The following TEAD3 variants were observed in gnomAD, a reference collection of about 807,000 sequenced individuals.
TEAD3 encodes transcriptional enhancer factor TEF-5.
Under a neutral mutation model 55.6 loss-of-function variants are expected in TEAD3, and 15 were observed. The observed-to-expected ratio is 0.27, with a 90% CI of 0.18 to 0.42. TEAD3 has a LOEUF of 0.42. Among genes scored for constraint, TEAD3 ranks in the 10% least tolerant of loss-of-function variants. The pLI, the probability that TEAD3 is intolerant of heterozygous loss-of-function variation, is 1.00. For missense variants in TEAD3, 407 were observed against 576.8 expected (o/e 0.71, Z 3.01); for synonymous variants, 210 against 232.2 (o/e 0.90, Z 0.87).
chr6:35,473,955 G>C (rs1022377536), downstream of TEAD3: 1 of 152,494 alleles, frequency 6.6e-6, no homozygotes, highest in African/African-American at 2.4e-5. Flanking sequence ...GGGACAGCAG[G>C]TGAAGGGTTA....
At chr6:35,477,924 T>C (rs1208659162) in intron 7 of TEAD3, among the ~76,000 whole-genome samples, 1 of 151,796 alleles carries the variant, frequency 6.6e-6, no homozygotes, top group Non-Finnish European at 1.5e-5. Context: ...CACTACAGCC[T>C]GGAACTCTGG....
chr6:35,483,409 C>A lies in TEAD3; in HGVS notation c.267+1151G>T, dbSNP rs1768301267. 6.6e-6 allele frequency among the ~76,000 whole-genome samples: 1 copy of A among 152,154 alleles called. No individual in the cohort carries two copies. The highest frequency in any genetic ancestry group is 1.5e-5 in the Non-Finnish European group (1 of 68,014). Reference sequence around the variant, plus strand: ...AGGTCCCGCCTCCAGCCTGGCCTCTCCCCCAGGCAGTGGGGCCATCACTCC... The same window carrying A: ...AGGTCCCGCCTCCAGCCTGGCCTCTACCCCAGGCAGTGGGGCCATCACTCC... On this transcript the variant is annotated intron_variant, in intron 3 of 12. Coordinates refer to ENST00000639578, the Ensembl canonical transcript of TEAD3. This position sits in a 1 kb window ranked among gnomAD's most constrained non-coding sequence, Gnocchi z 4.5.
Position 35,475,291 on chromosome 6 carries a change from G to C in TEAD3, c.1194+45C>G, listed in dbSNP as rs75131269. 1 of 1,607,948 alleles carries C rather than the reference G, an allele frequency of 6.2e-7. No homozygotes were observed. The highest frequency in any genetic ancestry group is 8.5e-7 in the Non-Finnish European group (1 of 1,176,148). ...GATGTGTCTGGCTACCCAACTTGGAGGCCCTGGCCTGTGGGACTCCCCACG... is the reference window on the plus strand; with the variant it reads ...GATGTGTCTGGCTACCCAACTTGGACGCCCTGGCCTGTGGGACTCCCCACG... On this transcript the variant is annotated intron_variant, in intron 12 of 12. Transcript: ENST00000639578. The surrounding 1 kb of genome is among the most constrained non-coding windows in gnomAD (Gnocchi z 5.4).
chr6:35,474,807 A>G (rs896404734), downstream of TEAD3: 3 of 496,288 alleles, frequency 6.0e-6, no homozygotes, highest in African/African-American at 5.9e-5. Context: ...ATGGTGGGTC[A>G]GCGCCCCGGA....
At chr6:35,476,267 G>C (rs756135714) in intron 9 of TEAD3, 35 bp downstream of exon 9, 2 of 1,602,902 alleles carry the variant, frequency 1.2e-6, no homozygotes, top group East Asian at 2.2e-5. Context: ...CTCCACAATT[G>C]TGCAAAGCCT....
intron 1 of TEAD3, among the ~76,000 whole-genome samples, chr6:35,490,290 T>G (rs1768482185): frequency 1.3e-5 from 2 of 151,610 alleles, no homozygotes; most frequent in South Asian, 2.1e-4. Context: ...TGGGACAGAC[T>G]GGGGGGGCGG....
chr6:35,487,070 G>T (rs1561806695), intron 1 of TEAD3, among the ~76,000 whole-genome samples: 1 of 152,208 alleles, frequency 6.6e-6, no homozygotes, highest in Non-Finnish European at 1.5e-5. Context: ...TAACAACAAT[G>T]CCTCATACCA....
chr6:35,473,797 G>C (rs948050169), downstream of TEAD3: 1 of 152,330 alleles, frequency 6.6e-6, no homozygotes, highest in Non-Finnish European at 1.5e-5. Context: ...TGGCCTGAGC[G>C]ATATGCAAAC....
intron 1 of TEAD3, among the ~76,000 whole-genome samples, chr6:35,494,196 C>T (rs901365703): frequency 2.6e-5 from 4 of 152,222 alleles, no homozygotes; most frequent in Non-Finnish European, 5.9e-5. Flanking sequence ...ACACATCCAG[C>T]GTCACACACA....
intron 1 of TEAD3, among the ~76,000 whole-genome samples, chr6:35,492,870 C>T (rs1351084669): frequency 6.6e-6 from 1 of 152,152 alleles, no homozygotes; most frequent in Admixed American, 6.5e-5. Context: ...CCTTCACCCC[C>T]TCCCTGGGAC....
rs924813615 is a variant in TEAD3, at chr6:35,496,941, G to C, written c.-93C>G. Reference sequence around the variant, plus strand: ...GGCGCTCCGGCCGGGCCGCTCCGCCGGGCCCGAGGGAGCCGCAAGGGGGGC... The same window carrying C: ...GGCGCTCCGGCCGGGCCGCTCCGCCCGGCCCGAGGGAGCCGCAAGGGGGGC... On this transcript the variant is annotated 5_prime_UTR_variant, in exon 1 of 13. Transcript: ENST00000639578. The surrounding 1 kb of genome is among the most constrained non-coding windows in gnomAD (Gnocchi z 4.8). 6.6e-6 allele frequency: 1 copy of C among 151,466 alleles called. No individual in the cohort carries two copies. Among genetic ancestry groups the C allele is most frequent in the African/African-American group, 2.4e-5 (1 of 41,250 alleles). The allele number at this position is 151,466 out of a possible 1,614,324, so 9.4% of individuals were successfully genotyped here.
In TEAD3 at chr6:35,475,809, C is replaced by T; in HGVS notation, c.901-103G>A. 1 of 1,506,932 alleles carries T rather than the reference C, an allele frequency of 6.6e-7. No homozygotes were observed. Among genetic ancestry groups the T allele is most frequent in the East Asian group, 2.3e-5 (1 of 43,866 alleles). 93.3% of individuals were successfully genotyped at this position (1,506,932 alleles called of 1,614,324 possible). On this transcript the variant is annotated intron_variant, in intron 10 of 12. Coordinates refer to ENST00000639578, the Ensembl canonical transcript of TEAD3. The surrounding 1 kb of genome is among the most constrained non-coding windows in gnomAD (Gnocchi z 5.4). Reference sequence around the variant, plus strand: ...CAAGGATCCATCTCTGGCACTCTGCCCACAAGCCATGAGGATGCAGCAGGG... The same window carrying T: ...CAAGGATCCATCTCTGGCACTCTGCTCACAAGCCATGAGGATGCAGCAGGG...
chr6:35,481,960 C>T (rs537985952), intron 3 of TEAD3, among the ~76,000 whole-genome samples: 5 of 152,346 alleles, frequency 3.3e-5, no homozygotes, highest in Admixed American at 1.3e-4. Flanking sequence ...CTGTAAAAAC[C>T]TAAAACTGCA....
chr6:35,494,405 G>A (rs1768596086), intron 1 of TEAD3, among the ~76,000 whole-genome samples: 1 of 152,188 alleles, frequency 6.6e-6, no homozygotes, highest in African/African-American at 2.4e-5. Flanking sequence ...GGTTCTCCCT[G>A]GAGGGAAGTG....
intron 1 of TEAD3, among the ~76,000 whole-genome samples, chr6:35,490,869 C>T (rs534728527): frequency 2.0e-5 from 3 of 152,230 alleles, no homozygotes; most frequent in East Asian, 1.9e-4. Context: ...TGACTGCGGG[C>T]GAGAGGGCAA....
At chr6:35,477,146 T>G (rs1447669686) in intron 8 of TEAD3, among the ~76,000 whole-genome samples, 165 bp downstream of exon 8, 2 of 152,192 alleles carry the variant, frequency 1.3e-5, no homozygotes, top group Non-Finnish European at 2.9e-5. Flanking sequence ...GCCAGAGATC[T>G]GGAAGCAACA....
At chr6:35,474,283 T>G (rs1451180968), downstream of TEAD3, 10 of 152,832 alleles carry the variant, frequency 6.5e-5, no homozygotes, top group Admixed American at 6.6e-4. Flanking sequence ...TCATGCCCAG[T>G]CTGAAACAGG....
intron 4 of TEAD3, chr6:35,480,050 G>A: frequency 6.7e-7 from 1 of 1,503,500 alleles, no homozygotes; most frequent in Non-Finnish European, 9.0e-7. Flanking sequence ...AGGTGGCAGG[G>A]GCCCCGTACC....
chr6:35,486,383 C>A lies in TEAD3; in HGVS notation c.202+78G>T. On this transcript the variant is annotated intron_variant, in intron 2 of 12. Coordinates refer to ENST00000639578, the Ensembl canonical transcript of TEAD3. This position sits in a 1 kb window ranked among gnomAD's most constrained non-coding sequence, Gnocchi z 7.3. ...CCGGCCAGCGGCTGGCGGCCTCCGA[C>A]GTCACCAAACCGGTTGGGTGAGAGG... 1.3e-6 allele frequency: 2 copies of A among 1,498,108 alleles called. No homozygotes were observed. The highest frequency in any genetic ancestry group is 1.3e-5 in the South Asian group (1 of 77,220). 92.8% of individuals were successfully genotyped at this position (1,498,108 alleles called of 1,614,324 possible).
Sources: allele counts gnomAD v4.1 joint callset (sites outside exome capture counted in the v4.1 genomes callset), GRCh38; gene constraint gnomAD v4.1.1; non-coding constraint Gnocchi (gnomAD v3.1); transcripts MANE v1.5; gene names NCBI Gene and HGNC (gene_info 2026-07-23, HGNC 2026-07-21).